The following PLCH2 variants were observed in gnomAD, a reference collection of about 807,000 sequenced individuals.
PLCH2 encodes phospholipase C eta 2, also known as 1-phosphatidylinositol 4,5-bisphosphate phosphodiesterase eta-2.
PLCH2 carries 98 observed loss-of-function variants against 134.7 expected under a neutral mutation model. The observed-to-expected ratio is 0.73, with a 90% confidence interval of 0.62 to 0.86. PLCH2 has a LOEUF of 0.86. Ranked by LOEUF, PLCH2 falls within the 40% of genes least tolerant of loss-of-function variation. The pLI is 0.00. For synonymous variants in PLCH2, 974 were observed against 827.5 expected (o/e 1.18, Z -3.04); for missense variants, 1,994 against 1,986.6 (o/e 1.00, Z -0.07).
intron 2 of PLCH2, among the ~76,000 whole-genome samples, chr1:2,437,412 C>G (rs1465701174): frequency 6.6e-6 from 1 of 152,156 alleles, no homozygotes; most frequent in African/African-American, 2.4e-5. Flanking sequence ...AATTCATCAT[C>G]CCTGAGGACT....
intron 13 of PLCH2, 138 bp downstream of exon 13, chr1:2,495,708 G>A (rs900693838): frequency 6.4e-6 from 4 of 620,982 alleles, no homozygotes; most frequent in Admixed American, 3.2e-5. Context: ...TGGAAGCAGT[G>A]AAGTGGTAGG....
At chr1:2,477,186 G>C (rs186521483) in intron 1 of PLCH2, among the ~76,000 whole-genome samples, 1 of 152,216 alleles carries the variant, frequency 6.6e-6, no homozygotes, top group East Asian at 1.9e-4. Flanking sequence ...GCCCCGGTCC[G>C]GGCTGGCCTG....
chr1:2,502,121 G>A lies in PLCH2; in HGVS notation c.2671G>A (p.Ala891Thr), dbSNP rs1480183207. The A allele has an allele frequency of 2.1e-6, 3 of 1,449,588 alleles. No homozygotes were observed. Among genetic ancestry groups the A allele is most frequent in the Admixed American group, 2.7e-5 (1 of 36,848 alleles). The allele number at this position is 1,449,588 out of a possible 1,614,324, so 89.8% of individuals were successfully genotyped here. Residue 891 changes from alanine (A) to threonine (T), a missense_variant, in exon 21 of 22, where the codon GCT becomes ACT. This residue lies in a region of PLCH2 where 1,094 missense variants were observed against 1,234.3 expected (regional missense o/e 0.89). Transcript: ENST00000378486. ...VSDISGKVKQ[A>T]LGLKGLFLRG... The stretch of plus-strand genomic sequence containing the variant: ...GCTCCTTCTCTTGCAGGTCAAGCAG[G>A]CTCTGGGCCTAAAAGGCCTCTTCCT...
intron 1 of PLCH2, among the ~76,000 whole-genome samples, chr1:2,469,646 CA>C (rs1641233089): frequency 6.6e-6 from 1 of 151,746 alleles, no homozygotes; most frequent in African/African-American, 2.4e-5. Flanking sequence ...TGAGGGTGGG[CA>C]GGGGGAGGGG....
intron 9 of PLCH2, 139 bp from the exon 10 acceptor site, chr1:2,489,621 C>G (rs543624833): frequency 1.3e-6 from 1 of 767,230 alleles, no homozygotes; most frequent in Non-Finnish European, 2.2e-6. Context: ...CCAGTCTGGC[C>G]CCTGCCCCAT....
chr1:2,467,984 T>A (rs1489651935), intron 1 of PLCH2, among the ~76,000 whole-genome samples: 1 of 152,146 alleles, frequency 6.6e-6, no homozygotes, highest in Non-Finnish European at 1.5e-5. Flanking sequence ...TCCAACACAG[T>A]CCAGGTGGGC....
upstream of PLCH2, among the ~76,000 whole-genome samples, chr1:2,465,423 C>T (rs968412460): frequency 2.1e-4 from 32 of 152,156 alleles, no homozygotes; most frequent in Admixed American, 1.4e-3. Context: ...CCAGCTGTGC[C>T]GGCCCATGGG....
intron 2 of PLCH2, among the ~76,000 whole-genome samples, chr1:2,431,370 G>A (rs1396935840): frequency 6.6e-6 from 1 of 152,162 alleles, no homozygotes; most frequent in Non-Finnish European, 1.5e-5. Context: ...GCATGCCTGT[G>A]CCTCACAGAG....
chr1:2,429,797 C>T (rs566250728), intron 1 of PLCH2, among the ~76,000 whole-genome samples: 1 of 152,190 alleles, frequency 6.6e-6, no homozygotes, highest in African/African-American at 2.4e-5. Context: ...TGTGGCTCCT[C>T]CTCGGGGCCG....
At chr1:2,500,600 T>G (rs1179983849) in intron 20 of PLCH2, 1 of 152,262 alleles carries the variant, frequency 6.6e-6, no homozygotes, top group Non-Finnish European at 1.5e-5. Flanking sequence ...CCGCCGCCCC[T>G]GCATGCCCAG....
At chr1:2,492,365 G>A (rs2100701015) in intron 11 of PLCH2, 1 of 152,424 alleles carries the variant, frequency 6.6e-6, no homozygotes, top group Admixed American at 6.5e-5. Context: ...AGGTGTCTAG[G>A]TGGGGGAGAG....
intron 16 of PLCH2, 69 bp downstream of exon 16, chr1:2,497,678 C>T (rs995667273): frequency 1.8e-4 from 192 of 1,092,092 alleles, no homozygotes; most frequent in Non-Finnish European, 2.5e-4. Context: ...GTCCCCAGAA[C>T]AGAGATCGGA....
intron 2 of PLCH2, among the ~76,000 whole-genome samples, chr1:2,460,365 C>G (rs1640754614): frequency 6.6e-6 from 1 of 152,256 alleles, no homozygotes; most frequent in African/African-American, 2.4e-5. Flanking sequence ...AGCTCTAAGC[C>G]ATGCCCACAC....
chr1:2,494,858 C>T lies in PLCH2; in HGVS notation c.1662C>T (p.Ser554=). 6.2e-7 allele frequency: 1 copy of T among 1,602,868 alleles called. No homozygotes were observed. Among genetic ancestry groups the T allele is most frequent in the South Asian group, 1.1e-5 (1 of 89,120 alleles). Residue 554 remains serine (S), a splice_region_variant and synonymous_variant, in exon 12 of 22, where the codon AGC becomes AGT. Transcript: ENST00000378486. The part of the protein sequence containing the change: ...LSPSGKLGRK[S]KAEEDVESGE... ...CCCTGTCTCTCCCCTGGACTCAGAGCAAGGCTGAAGAGGACGTGGAGTCTG... is the reference window on the plus strand; with the variant it reads ...CCCTGTCTCTCCCCTGGACTCAGAGTAAGGCTGAAGAGGACGTGGAGTCTG...
intron 12 of PLCH2, 36 bp downstream of exon 12, chr1:2,494,984 G>T (rs370387457): frequency 3.7e-5 from 53 of 1,435,502 alleles, no homozygotes; most frequent in Middle Eastern, 1.9e-4. Context: ...TCCCGGTCTG[G>T]GCCCAGTGTC....
chr1:2,503,150 A>G (rs1643332788), intron 21 of PLCH2: 3 of 644,114 alleles, frequency 4.7e-6, no homozygotes, highest in African/African-American at 1.8e-5. Context: ...GAGGCCCGAC[A>G]GGCTGGGAAG....
chr1:2,472,126 G>T, upstream of PLCH2, among the ~76,000 whole-genome samples: 1 of 152,240 alleles, frequency 6.6e-6, no homozygotes, highest in South Asian at 2.1e-4. Context: ...GGTCCTGCCT[G>T]TGGGGAGGGC....
chr1:2,502,087 G>A (rs1643255378), intron 20 of PLCH2, 25 bp from the exon 21 acceptor site: 1 of 1,420,488 alleles, frequency 7.0e-7, no homozygotes, highest in African/African-American at 1.5e-5. Context: ...CCTGGCAACA[G>A]CTACATGGGC....
chr1:2,446,047 G>T (rs1021558941), intron 2 of PLCH2, among the ~76,000 whole-genome samples: 14 of 152,208 alleles, frequency 9.2e-5, no homozygotes, highest in Middle Eastern at 3.4e-3. Context: ...CGGGAGGGGG[G>T]CTGAGGACCA....
Sources: gnomAD v4.1 joint callset for allele counts (sites outside exome capture counted in the v4.1 genomes callset) on GRCh38, gnomAD v4.1.1 for gene constraint, gnomAD v4.1.1 regional missense constraint, MANE v1.5 for transcripts, NCBI Gene and HGNC (gene_info 2026-07-23, HGNC 2026-07-21) for gene names.